Variants in RNF6 observed in about 807,000 individuals in gnomAD.
RNF6 encodes ring finger protein 6, also known as E3 ubiquitin-protein ligase RNF6.
Under a neutral mutation model 50.1 loss-of-function variants are expected in RNF6, and 21 were observed. The ratio of observed to expected loss-of-function variants is 0.42; its 90% CI spans 0.30 to 0.60. RNF6 has a LOEUF of 0.60. Ranked by LOEUF, RNF6 falls within the 20% of genes least tolerant of loss-of-function variation. The pLI is 0.20. For synonymous variants in RNF6, 255 were observed against 291.8 expected, an observed-to-expected ratio of 0.87 and a Z score of 1.29; for missense variants, 698 against 838.2, an observed-to-expected ratio of 0.83 and a Z score of 2.07.
intron 5 of RNF6, among the ~76,000 whole-genome samples, chr13:26,187,751 T>C (rs1367957539): frequency 2.0e-5 from 3 of 152,162 alleles, no homozygotes; most frequent in African/African-American, 7.2e-5. Flanking sequence ...TTTAAGACAG[T>C]CTCTATCTGT....
Position 26,161,410 on chromosome 13 carries a change from G to T in RNF6, n.769-28959C>A, listed in dbSNP as rs117926831. Among the ~76,000 whole-genome samples, 436 of 152,198 alleles carry T rather than the reference G, an allele frequency of 2.9e-3. 18 individuals are homozygous for T. The East Asian group carries it at 0.08, about 28-fold the overall frequency. On this transcript the variant is annotated intron_variant and non_coding_transcript_variant, in intron 5 of 5. Transcript: ENST00000468480. ...TTTTATGAACTGTATGAATGGTTTG[G>T]GTAAAGTTGACCTTCACACTGTTGA...
At chr13:26,177,237 C>A (rs1873000752) in intron 5 of RNF6, among the ~76,000 whole-genome samples, 1 of 152,156 alleles carries the variant, frequency 6.6e-6, no homozygotes, top group Non-Finnish European at 1.5e-5. Flanking sequence ...GAGAGAAAGA[C>A]AAACCTCCTG....
At chr13:26,184,019 T>TATATATATATATATA (rs1491321211) in intron 5 of RNF6, among the ~76,000 whole-genome samples, 5 of 20,346 alleles carry the variant, frequency 2.5e-4, no homozygotes, top group African/African-American at 8.4e-4. Context: ...TATATATATA[T>TATATATATATATATA]TTTTTTTTTT....
chr13:26,199,499 G>A (rs539824931), intron 5 of RNF6, among the ~76,000 whole-genome samples: 17 of 152,180 alleles, frequency 1.1e-4, no homozygotes, highest in African/African-American at 3.9e-4. Flanking sequence ...CACACAAAAA[G>A]CATGGACCAA....
intron 5 of RNF6, among the ~76,000 whole-genome samples, chr13:26,138,997 C>T (rs1450489307): frequency 6.6e-6 from 1 of 152,128 alleles, no homozygotes; most frequent in Non-Finnish European, 1.5e-5. Flanking sequence ...TTTGCTCTTC[C>T]AAATACAATT....
intron 5 of RNF6, among the ~76,000 whole-genome samples, chr13:26,183,011 A>G (rs557998089): frequency 1.3e-5 from 2 of 152,320 alleles, no homozygotes; most frequent in South Asian, 4.1e-4. Flanking sequence ...GCTGGATTTT[A>G]TGCTGCTGCA....
chr13:26,186,410 G>T lies in RNF6; in HGVS notation n.768+29064C>A, dbSNP rs1029700115. Among the ~76,000 whole-genome samples the T allele has an allele frequency of 2.0e-5, 3 of 152,258 alleles. 1 individual carries two copies. Among genetic ancestry groups the T allele is most frequent in the Non-Finnish European group, 2.9e-5 (2 of 68,044 alleles). On this transcript the variant is annotated intron_variant and non_coding_transcript_variant, in intron 5 of 5. Transcript: ENST00000468480. ...GCGGCAGGAACGCGCTCGTTGGGCC[G>T]CAGAGCAAGAGCGGGACGCGCCGGG...
chr13:26,134,472 TG>T (rs767331412), intron 5 of RNF6, among the ~76,000 whole-genome samples: 1 of 151,826 alleles, frequency 6.6e-6, no homozygotes, highest in Non-Finnish European at 1.5e-5. Flanking sequence ...TTGAGGTTTT[TG>T]TTTTTTGTTT....
At chr13:26,156,574 A>G (rs1251799928) in intron 5 of RNF6, among the ~76,000 whole-genome samples, 2 of 152,240 alleles carry the variant, frequency 1.3e-5, no homozygotes, top group Non-Finnish European at 2.9e-5. Context: ...AAGAATAAAC[A>G]TTCTTTCAAA....
At chr13:26,151,622 T>TTTC (rs1491339756) in intron 5 of RNF6, among the ~76,000 whole-genome samples, 1 of 2,534 alleles carries the variant, frequency 3.9e-4, no homozygotes, top group Non-Finnish European at 2.4e-3. Context: ...TCTTTTTTTC[T>TTTC]TTTTTTTTTT....
chr13:26,175,582 C>T (rs147212111), intron 5 of RNF6, among the ~76,000 whole-genome samples: 5 of 152,238 alleles, frequency 3.3e-5, no homozygotes, highest in East Asian at 3.9e-4. Flanking sequence ...TGGTTACCAT[C>T]GCAGTTCCCC....
downstream of RNF6, among the ~76,000 whole-genome samples, chr13:26,211,125 T>G (rs1869304490): frequency 6.6e-6 from 1 of 152,284 alleles, no homozygotes; most frequent in African/African-American, 2.4e-5. Flanking sequence ...CCTTTGTATT[T>G]GTCATCAGCC....
At chr13:26,178,927 C>T (rs971252587) in intron 5 of RNF6, among the ~76,000 whole-genome samples, 1 of 152,122 alleles carries the variant, frequency 6.6e-6, no homozygotes, top group Non-Finnish European at 1.5e-5. Context: ...AGTATAATGT[C>T]CTCCAGATTC....
chr13:26,159,448 C>T (rs1240736343), intron 5 of RNF6, among the ~76,000 whole-genome samples: 3 of 151,960 alleles, frequency 2.0e-5, no homozygotes, highest in Non-Finnish European at 2.9e-5. Flanking sequence ...CACGGTGAAA[C>T]GCCGTCTCTA....
At chr13:26,219,099 A>G (rs995505157) in intron 3 of RNF6, among the ~76,000 whole-genome samples, 6 of 152,158 alleles carry the variant, frequency 3.9e-5, no homozygotes, top group Admixed American at 6.5e-5. Flanking sequence ...AATTCAGCTG[A>G]ATAAATAAAT....
chr13:26,216,549 C>T (rs886770211), intron 4 of RNF6, among the ~76,000 whole-genome samples: 1 of 152,044 alleles, frequency 6.6e-6, no homozygotes, highest in Non-Finnish European at 1.5e-5. Context: ...CTGTGCCAAG[C>T]TTAAATTTTC....
At chr13:26,148,279 A>T (rs796322734) in intron 5 of RNF6, among the ~76,000 whole-genome samples, 15 of 152,182 alleles carry the variant, frequency 9.9e-5, no homozygotes, top group African/African-American at 3.6e-4. Context: ...TCTTTGACAC[A>T]TGGGGATTAC....
At chr13:26,178,082 A>G in intron 5 of RNF6, among the ~76,000 whole-genome samples, 1 of 152,134 alleles carries the variant, frequency 6.6e-6, no homozygotes, top group Non-Finnish European at 1.5e-5. Flanking sequence ...CCAGCTACTC[A>G]GGAGGCTGAG....
At chr13:26,140,598 C>T (rs1356738686) in intron 5 of RNF6, among the ~76,000 whole-genome samples, 1 of 152,164 alleles carries the variant, frequency 6.6e-6, no homozygotes, top group Non-Finnish European at 1.5e-5. Context: ...AGTCTTACCA[C>T]TCCTATTCAA....
Sources: gnomAD v4.1 joint callset for allele counts (sites outside exome capture counted in the v4.1 genomes callset) on GRCh38, gnomAD v4.1.1 for gene constraint, MANE v1.5 for transcripts, NCBI Gene and HGNC (gene_info 2026-07-23, HGNC 2026-07-21) for gene names.